The following CCSER1 variants were observed in gnomAD, a reference collection of about 807,000 sequenced individuals.
The protein encoded by CCSER1 is coiled-coil serine rich protein 1, also known as serine-rich coiled-coil domain-containing protein 1.
A neutral mutation model predicts 82.0 loss-of-function variants in CCSER1; 41 were observed. That is an observed-to-expected ratio of 0.50 (90% CI 0.39 to 0.65). The LOEUF (loss-of-function observed/expected upper bound fraction) is 0.65. Ranked by LOEUF, CCSER1 falls within the 30% of genes least tolerant of loss-of-function variation. The probability of loss-of-function intolerance (pLI) is 0.00; values close to 1 mark genes in which losing one functional copy is unlikely to be tolerated. For missense variants in CCSER1, 1,119 were observed against 1,064.2 expected (o/e 1.05, Z -0.72); for synonymous variants, 414 against 383.9 (o/e 1.08, Z -0.92).
chr4:90,480,865 T>A (rs1387184551), intron 5 of CCSER1, among the ~76,000 whole-genome samples: 1 of 152,210 alleles, frequency 6.6e-6, no homozygotes, highest in Non-Finnish European at 1.5e-5. Context: ...ATGCGGGCTC[T>A]TTTTTGGTTC....
At chr4:90,746,639 T>A (rs1747527279) in intron 7 of CCSER1, among the ~76,000 whole-genome samples, 1 of 152,082 alleles carries the variant, frequency 6.6e-6, no homozygotes, top group South Asian at 2.1e-4. Context: ...ACCTGGCTGC[T>A]GCCTTAGCTG....
At chr4:90,817,457 A>T (rs1455811050) in intron 8 of CCSER1, among the ~76,000 whole-genome samples, 1 of 152,082 alleles carries the variant, frequency 6.6e-6, no homozygotes, top group Non-Finnish European at 1.5e-5. Context: ...GTTATAATTT[A>T]AAAAATTTAG....
intron 8 of CCSER1, among the ~76,000 whole-genome samples, chr4:90,894,009 T>A (rs1723340245): frequency 6.6e-6 from 1 of 152,020 alleles, no homozygotes; most frequent in Non-Finnish European, 1.5e-5. Flanking sequence ...AAAAAAGTTA[T>A]CCATGTAAAA....
chr4:90,655,768 A>G (rs1159210251), intron 6 of CCSER1, among the ~76,000 whole-genome samples: 1 of 152,034 alleles, frequency 6.6e-6, no homozygotes, highest in Non-Finnish European at 1.5e-5. Flanking sequence ...CAGAATTTAA[A>G]TGAAAATGGA....
intron 7 of CCSER1, among the ~76,000 whole-genome samples, chr4:90,811,637 A>G (rs1043848972): frequency 1.1e-4 from 16 of 152,280 alleles, no homozygotes; most frequent in African/African-American, 3.6e-4. Context: ...CAAAGTGAGT[A>G]GCAGCTGAGC....
chr4:91,174,807 CTTTG>C (rs1733139638), intron 10 of CCSER1, among the ~76,000 whole-genome samples: 1 of 119,226 alleles, frequency 8.4e-6, no homozygotes, highest in Admixed American at 9.0e-5. Context: ...TGCTAGTTTT[CTTTG>C]TTTTTCTTTT....
chr4:90,895,329 G>A (rs1265107337), intron 8 of CCSER1, among the ~76,000 whole-genome samples: 1 of 151,830 alleles, frequency 6.6e-6, no homozygotes, highest in African/African-American at 2.4e-5. Flanking sequence ...TTGCCTCTAG[G>A]TAGGCATATA....
intron 6 of CCSER1, among the ~76,000 whole-genome samples, chr4:90,704,229 AT>A (rs1738807561): frequency 6.6e-6 from 1 of 152,162 alleles, no homozygotes; most frequent in Non-Finnish European, 1.5e-5. Flanking sequence ...TCCTTCACTT[AT>A]GAAGCTTAGT....
At chr4:90,486,514 T>C (rs1247007436) in intron 5 of CCSER1, among the ~76,000 whole-genome samples, 3 of 152,224 alleles carry the variant, frequency 2.0e-5, no homozygotes, top group Non-Finnish European at 4.4e-5. Context: ...AAGTAAATGC[T>C]TTCTGTTTTG....
chr4:90,972,149 C>T (rs1055103987), intron 9 of CCSER1, among the ~76,000 whole-genome samples: 1 of 151,374 alleles, frequency 6.6e-6, no homozygotes, highest in Non-Finnish European at 1.5e-5. Context: ...AGCAATTAAA[C>T]AAGAAAAAGA....
intron 7 of CCSER1, among the ~76,000 whole-genome samples, chr4:90,792,116 C>G (rs1001386103): frequency 1.3e-5 from 2 of 152,028 alleles, no homozygotes; most frequent in African/African-American, 2.4e-5. Context: ...TTGCAGAATC[C>G]CTGATACCAG....
At chr4:90,397,866 TA>T (rs1752239294) in intron 3 of CCSER1, among the ~76,000 whole-genome samples, 1 of 152,240 alleles carries the variant, frequency 6.6e-6, no homozygotes, top group Admixed American at 6.5e-5. Flanking sequence ...CTTGGTATAA[TA>T]AAAAATGGTA....
rs764583055 is a variant in CCSER1 at position 91,466,347 on chromosome 4, C to T, written c.2218-132225C>T. Among the ~76,000 whole-genome samples the T allele has an allele frequency of 4.6e-5, 7 of 152,166 alleles. No homozygotes were observed. In the East Asian group the frequency reaches 5.8e-4, roughly 13 times the overall value. On this transcript the variant is annotated intron_variant, in intron 10 of 10. Transcript: ENST00000509176. Reference sequence around the variant, plus strand: ...CTCAATAAATTAGGTATTGATGGGACGTAACTCAAAATAATAAGAGCTATT... The same window carrying T: ...CTCAATAAATTAGGTATTGATGGGATGTAACTCAAAATAATAAGAGCTATT...
chr4:90,564,070 T>A (rs2153649495), intron 5 of CCSER1, among the ~76,000 whole-genome samples: 1 of 152,330 alleles, frequency 6.6e-6, no homozygotes, highest in African/African-American at 2.4e-5. Context: ...CCTATTGATT[T>A]GTATGTCCTC....
intron 7 of CCSER1, among the ~76,000 whole-genome samples, chr4:90,797,177 G>A (rs1162575685): frequency 6.6e-6 from 1 of 152,138 alleles, no homozygotes; most frequent in African/African-American, 2.4e-5. Context: ...TATGTTGGGT[G>A]CATATATATT....
intron 8 of CCSER1, among the ~76,000 whole-genome samples, chr4:90,881,706 G>A (rs1161464592): frequency 6.6e-6 from 1 of 152,102 alleles, no homozygotes; most frequent in African/African-American, 2.4e-5. Flanking sequence ...GATTGCTTGA[G>A]CCTGGGAGGC....
At chr4:91,592,033 C>T (rs1640884296) in intron 10 of CCSER1, among the ~76,000 whole-genome samples, 1 of 152,078 alleles carries the variant, frequency 6.6e-6, no homozygotes, top group Admixed American at 6.6e-5. Flanking sequence ...TCAGTAAATG[C>T]CAGGTACTGG....
At chr4:91,573,537 A>G (rs145801295) in intron 10 of CCSER1, among the ~76,000 whole-genome samples, 2 of 152,154 alleles carry the variant, frequency 1.3e-5, no homozygotes, top group African/African-American at 4.8e-5. Flanking sequence ...TGGGTTCACA[A>G]GGAGATCTCC....
intron 6 of CCSER1, among the ~76,000 whole-genome samples, chr4:90,648,292 A>AGAAAGAAAGAAAGAAAG (rs1728033657): frequency 1.5e-5 from 2 of 130,398 alleles, no homozygotes; most frequent in South Asian, 5.0e-4. Context: ...AAGGAAAGAA[A>AGAAAGAAAGAAAGAAAG]GAAAGAAAGA....
Sources: allele counts gnomAD v4.1 joint callset (sites outside exome capture counted in the v4.1 genomes callset), GRCh38; gene constraint gnomAD v4.1.1; transcripts MANE v1.5; gene names NCBI Gene and HGNC (gene_info 2026-07-23, HGNC 2026-07-21).